KRTAP5-2: variants seen among roughly 807,000 people sequenced by gnomAD.
The protein encoded by KRTAP5-2 is keratin-associated protein 5-2.
For missense variants in KRTAP5-2, 188 were observed against 212.8 expected (o/e 0.88, Z 0.73); for synonymous variants, 79 against 82.7 (o/e 0.96, Z 0.24).
Position 1,597,664 on chromosome 11 carries a change from A to G in KRTAP5-2, c.*53T>C, listed in dbSNP as rs756881125. 2.6e-5 allele frequency: 42 copies of G among 1,609,522 alleles called. No individual in the cohort carries two copies. In the Admixed American group the frequency reaches 6.3e-4, roughly 24 times the overall value. Reference sequence around the variant, plus strand: ...GTGGGACGAACTGACTCAGGGAACCATAAGAAATGCTTTCACCAAACAGGA... The same window carrying G: ...GTGGGACGAACTGACTCAGGGAACCGTAAGAAATGCTTTCACCAAACAGGA... On this transcript the variant is annotated 3_prime_UTR_variant, in exon 1 of 1. Transcript: ENST00000412090.
Position 1,598,034 on chromosome 11 carries a change from A to G in KRTAP5-2, c.217T>C (p.Cys73Arg). ...CAGGAGCCACAGCTGGTGCAGGAAC[A>G]GGCTGGCACCCAGGAGCACACGGGC... is the stretch of plus-strand genomic sequence containing the variant. ...CKPVCSWVPA[C>R]SCTSCGSCGG... Residue 73 changes from cysteine (C) to arginine (R), a missense_variant, in exon 1 of 1, where the codon TGT becomes CGT. Transcript: ENST00000412090. The G allele has an allele frequency of 6.2e-7, 1 of 1,609,110 alleles. No homozygotes were observed. Among genetic ancestry groups the G allele is most frequent in the South Asian group, 1.1e-5 (1 of 90,808 alleles).
Position 1,597,989 on chromosome 11 carries a change from AG to A in KRTAP5-2, c.261del (p.Cys88ValfsTer104). The part of the protein sequence containing the change: ...SCGSCGGSKG[G>X]CGSCGGSKGG... ...CCCTTGGAGCCCCCACAGGAGCCAC[AG>A]CCCCCCTTGGAGCCCCCACAGGAGC... On this transcript the variant is annotated frameshift_variant, in exon 1 of 1. Coordinates refer to ENST00000412090, the MANE Select transcript of KRTAP5-2 (RefSeq NM_001004325.2). LOFTEE classifies it low-confidence loss of function (END_TRUNC). 6.9e-7 allele frequency: 1 copy of A among 1,448,798 alleles called. No individual in the cohort carries two copies. Among genetic ancestry groups the A allele is most frequent in the Non-Finnish European group, 9.4e-7 (1 of 1,062,318 alleles). The allele number at this position is 1,448,798 out of a possible 1,614,324, so 89.7% of individuals were successfully genotyped here.
At position 1,597,659 on chromosome 11, in the gene KRTAP5-2, G is replaced by C; in HGVS notation, c.*58C>G. The C allele has an allele frequency of 6.2e-7, 1 of 1,607,710 alleles. No homozygotes were observed. Among genetic ancestry groups the C allele is most frequent in the Non-Finnish European group, 8.5e-7 (1 of 1,175,566 alleles). ...GATGTGTGGGACGAACTGACTCAGG[G>C]AACCATAAGAAATGCTTTCACCAAA... On this transcript the variant is annotated 3_prime_UTR_variant, in exon 1 of 1. Transcript: ENST00000412090.
Position 1,597,847 on chromosome 11 carries a change from G to T in KRTAP5-2, c.404C>A (p.Ser135Tyr), listed in dbSNP as rs374220501. 3 of 1,613,740 alleles carry T rather than the reference G, an allele frequency of 1.9e-6. No homozygotes were observed. In the Admixed American group the frequency reaches 5.0e-5, roughly 27 times the overall value. The change falls in exon 1 of 1, where the codon TCC becomes TAC. Residue 135 changes from serine (S) to tyrosine (Y), a missense_variant. Coordinates refer to ENST00000412090, the MANE Select transcript of KRTAP5-2 (RefSeq NM_001004325.2). ...SSGCGSSCCQ[S>Y]SCCKPCCCQS... ...GCAGCAGCAGGGCTTGCAGCAGCTG[G>T]ACTGGCAGCAGGATGATCCACAGCC...
Position 1,597,723 on chromosome 11 carries a change from C to A in KRTAP5-2, c.528G>T (p.Lys176Asn). The A allele has an allele frequency of 6.2e-7, 1 of 1,614,210 alleles. No individual in the cohort carries two copies. Among genetic ancestry groups the A allele is most frequent in the African/African-American group, 1.3e-5 (1 of 75,048 alleles). Residue 176 changes from lysine to asparagine, a missense_variant, in exon 1 of 1, where the codon AAG (lysine) becomes AAT (asparagine). Coordinates refer to ENST00000412090, the MANE Select transcript of KRTAP5-2 (RefSeq NM_001004325.2). ...NCCVPVCCQC[K>N]I Reference sequence around the variant, plus strand: ...AAGGTCTGGGTCCAGAGCCTCAGATCTTACACTGGCAGCACACAGGGACAC... The same window carrying A: ...AAGGTCTGGGTCCAGAGCCTCAGATATTACACTGGCAGCACACAGGGACAC...
At position 1,597,435 on chromosome 11, in the gene KRTAP5-2, A is replaced by G. The variant is rs1849300277; in HGVS notation, c.*282T>C. The G allele has an allele frequency of 1.8e-6, 1 of 541,136 alleles. No individual in the cohort carries two copies. The highest frequency in any genetic ancestry group is 2.2e-5 in the South Asian group (1 of 45,644). The allele number at this position is 541,136 out of a possible 1,614,324, so 33.5% of individuals were successfully genotyped here. On this transcript the variant is annotated 3_prime_UTR_variant, in exon 1 of 1. Transcript: ENST00000412090. ...CTCAGTCAGCCCAGGGAGAAGAAGA[A>G]GATGGTCCACACCCAAGTGCAGGGA...
chr11:1,597,667 A>C lies in KRTAP5-2; in HGVS notation c.*50T>G, dbSNP rs780527293. ...GGACGAACTGACTCAGGGAACCATAAGAAATGCTTTCACCAAACAGGAGAA... is the reference window on the plus strand; with the variant it reads ...GGACGAACTGACTCAGGGAACCATACGAAATGCTTTCACCAAACAGGAGAA... On this transcript the variant is annotated 3_prime_UTR_variant, in exon 1 of 1. Coordinates refer to ENST00000412090, the MANE Select transcript of KRTAP5-2 (RefSeq NM_001004325.2). The C allele has an allele frequency of 1.2e-6, 2 of 1,610,132 alleles. No homozygotes were observed. The highest frequency in any genetic ancestry group is 2.2e-5 in the South Asian group (2 of 90,932).
chr11:1,597,594 A>C lies in KRTAP5-2; in HGVS notation c.*123T>G. ...CTGAGCCATGGAAGGAGGTGTGTGC[A>C]TGGATGGTGAGCTAGAGCAGGTGCA... On this transcript the variant is annotated 3_prime_UTR_variant, in exon 1 of 1. Coordinates refer to ENST00000412090, the MANE Select transcript of KRTAP5-2 (RefSeq NM_001004325.2). 6.8e-7 allele frequency: 1 copy of C among 1,466,858 alleles called. No homozygotes were observed. The highest frequency in any genetic ancestry group is 9.4e-7 in the Non-Finnish European group (1 of 1,065,166). The allele number at this position is 1,466,858 out of a possible 1,614,324, so 90.9% of individuals were successfully genotyped here. A position where few individuals can be genotyped will look rare whatever the true frequency, so the allele number is the denominator to read the frequency against.
In KRTAP5-2 at chr11:1,597,495, GCGAGGA is replaced by G. The variant is rs1849301159; in HGVS notation, c.*216_*221del. On this transcript the variant is annotated 3_prime_UTR_variant, in exon 1 of 1. Transcript: ENST00000412090. ...CAGTCGGCTGGGTGCCTGCGTCCAGGCGAGGACACCTCCCGCATCAGGGAAACACAC... is the reference window on the plus strand; with the variant it reads ...CAGTCGGCTGGGTGCCTGCGTCCAGGCACCTCCCGCATCAGGGAAACACAC... 1 of 743,560 alleles carries G rather than the reference GCGAGGA, an allele frequency of 1.3e-6. No homozygotes were observed. The allele number at this position is 743,560 out of a possible 1,614,324, so 46.1% of individuals were successfully genotyped here. A position where few individuals can be genotyped will look rare whatever the true frequency, so the allele number is the denominator to read the frequency against.
In KRTAP5-2 at chr11:1,598,062, G is replaced by T. The variant is rs764593718; in HGVS notation, c.189C>A (p.Cys63Ter). The change falls in exon 1 of 1, where the codon TGC (cysteine) becomes TGA (stop). Residue 63 changes from cysteine to a stop codon, truncating the protein, a stop_gained. Coordinates refer to ENST00000412090, the MANE Select transcript of KRTAP5-2 (RefSeq NM_001004325.2). LOFTEE classifies it low-confidence loss of function (END_TRUNC). ...GSRCYVPVCCCKPVCSWVPAC... is the reference protein window; with the variant it reads ...GSRCYVPVCC ...CTGGCACCCAGGAGCACACGGGCTT[G>T]CAGCAGCAGACAGGCACATAACATC... 6.2e-7 allele frequency: 1 copy of T among 1,612,576 alleles called. No homozygotes were observed. The highest frequency in any genetic ancestry group is 8.5e-7 in the Non-Finnish European group (1 of 1,179,924).
rs2065838254 is a variant in KRTAP5-2, at chr11:1,597,502, C to T, written c.*215G>A. On this transcript the variant is annotated 3_prime_UTR_variant, in exon 1 of 1. Coordinates refer to ENST00000412090, the MANE Select transcript of KRTAP5-2 (RefSeq NM_001004325.2). ...CTGGGTGCCTGCGTCCAGGCGAGGA[C>T]ACCTCCCGCATCAGGGAAACACACG... is the stretch of plus-strand genomic sequence containing the variant. 3.8e-6 allele frequency: 3 copies of T among 781,716 alleles called. No individual in the cohort carries two copies. Among genetic ancestry groups the T allele is most frequent in the Non-Finnish European group, 6.1e-6 (3 of 489,498 alleles). The allele number at this position is 781,716 out of a possible 1,614,324, so 48.4% of individuals were successfully genotyped here.
chr11:1,597,544 G>C lies in KRTAP5-2; in HGVS notation c.*173C>G, dbSNP rs571206252. ...AAACACACGTTTCTGGAGTGAGGAGGCTGAAGGCAGGGCCCAGAGGAGAGC... is the reference window on the plus strand; with the variant it reads ...AAACACACGTTTCTGGAGTGAGGAGCCTGAAGGCAGGGCCCAGAGGAGAGC... On this transcript the variant is annotated 3_prime_UTR_variant, in exon 1 of 1. Coordinates refer to ENST00000412090, the MANE Select transcript of KRTAP5-2 (RefSeq NM_001004325.2). 2 of 1,079,136 alleles carry C rather than the reference G, an allele frequency of 1.9e-6. No homozygotes were observed. Among genetic ancestry groups the C allele is most frequent in the African/African-American group, 1.6e-5 (1 of 62,950 alleles). 66.8% of individuals were successfully genotyped at this position (1,079,136 alleles called of 1,614,324 possible).
chr11:1,597,788 A>G lies in KRTAP5-2; in HGVS notation c.463T>C (p.Ser155Pro). The G allele has an allele frequency of 1.2e-6, 2 of 1,613,874 alleles. No individual in the cohort carries two copies. The highest frequency in any genetic ancestry group is 1.7e-5 in the Admixed American group (1 of 59,994). ...CAGCAACAGGGCTTGCAGCAGCTGG[A>G]CTGGCAGCACACGGGGACACAGCAG... ...SSCCVPVCCQSSCCKPCCCQS... is the reference protein window; with the variant it reads ...SSCCVPVCCQPSCCKPCCCQS... Residue 155 changes from serine (S) to proline (P), a missense_variant, in exon 1 of 1, where the codon TCC becomes CCC. Physicochemically the swap from Ser to Pro is moderately conservative, Grantham distance 74. Coordinates refer to ENST00000412090, the MANE Select transcript of KRTAP5-2 (RefSeq NM_001004325.2).
chr11:1,598,102 C>T lies in KRTAP5-2; in HGVS notation c.149G>A (p.Gly50Glu), dbSNP rs1849316586. Residue 50 changes from glycine to glutamate, a missense_variant, in exon 1 of 1, where the codon GGG becomes GAG. Physicochemically the swap from Gly to Glu is moderately conservative, Grantham distance 98. Transcript: ENST00000412090. Reference sequence around the variant, plus strand: ...CACATAACATCTGGAGCCACATCCCCCACAGCTGGAGCTGCAGCCCCCACA... The same window carrying T: ...CACATAACATCTGGAGCCACATCCCTCACAGCTGGAGCTGCAGCCCCCACA... Reference protein sequence around the residue: ...SGCGGCSSSCGGCGSRCYVPV... With the variant: ...SGCGGCSSSCEGCGSRCYVPV... The T allele has an allele frequency of 6.2e-7, 1 of 1,612,160 alleles. No homozygotes were observed. The highest frequency in any genetic ancestry group is 1.3e-5 in the African/African-American group (1 of 74,798).
chr11:1,597,620 G>C lies in KRTAP5-2; in HGVS notation c.*97C>G. The C allele has an allele frequency of 1.9e-6, 3 of 1,566,482 alleles. No individual in the cohort carries two copies. The highest frequency in any genetic ancestry group is 1.7e-6 in the Non-Finnish European group (2 of 1,149,368). The stretch of plus-strand genomic sequence containing the variant: ...TGGATGGTGAGCTAGAGCAGGTGCA[G>C]GTGCCTCAGGGAGGATGTGTGGGAC... On this transcript the variant is annotated 3_prime_UTR_variant, in exon 1 of 1. Transcript: ENST00000412090.
chr11:1,597,831 G>T lies in KRTAP5-2; in HGVS notation c.420C>A (p.Pro140=). The change falls in exon 1 of 1, where the codon CCC becomes CCA. Residue 140 remains proline, a synonymous_variant. Coordinates refer to ENST00000412090, the MANE Select transcript of KRTAP5-2 (RefSeq NM_001004325.2). ...SSCCQSSCCK[P]CCCQSSCCVP... Reference sequence around the variant, plus strand: ...CACAGCAGCTGGACTGGCAGCAGCAGGGCTTGCAGCAGCTGGACTGGCAGC... The same window carrying T: ...CACAGCAGCTGGACTGGCAGCAGCATGGCTTGCAGCAGCTGGACTGGCAGC... The T allele has an allele frequency of 6.2e-7, 1 of 1,613,776 alleles. No individual in the cohort carries two copies. Among genetic ancestry groups the T allele is most frequent in the Non-Finnish European group, 8.5e-7 (1 of 1,179,930 alleles).
In KRTAP5-2 at chr11:1,598,094, C is replaced by T. The variant is rs768072428; in HGVS notation, c.157G>A (p.Gly53Ser). 6.2e-6 allele frequency: 10 copies of T among 1,611,804 alleles called. No individual in the cohort carries two copies. Among genetic ancestry groups the T allele is most frequent in the Non-Finnish European group, 8.5e-6 (10 of 1,179,898 alleles). ...GGCSSSCGGC[G>S]SRCYVPVCCC... ...CAGACAGGCACATAACATCTGGAGC[C>T]ACATCCCCCACAGCTGGAGCTGCAG... The change falls in exon 1 of 1, where the codon GGC (glycine) becomes AGC (serine). Residue 53 changes from glycine to serine, a missense_variant. Physicochemically the swap from Gly to Ser is moderately conservative, Grantham distance 56 (BLOSUM62 0). Coordinates refer to ENST00000412090, the MANE Select transcript of KRTAP5-2 (RefSeq NM_001004325.2).
At position 1,597,398 on chromosome 11, in the gene KRTAP5-2, C is replaced by T; in HGVS notation, c.*319G>A. 1 of 437,558 alleles carries T rather than the reference C, an allele frequency of 2.3e-6. No individual in the cohort carries two copies. Among genetic ancestry groups the T allele is most frequent in the Non-Finnish European group, 4.3e-6 (1 of 230,570 alleles). The allele number at this position is 437,558 out of a possible 1,614,324, so 27.1% of individuals were successfully genotyped here. A position where few individuals can be genotyped will look rare whatever the true frequency, so the allele number is the denominator to read the frequency against. ...AAACGTCGGCCTGGCCTTGTGGGGT[C>T]AGACCTTGCATCTCAGTCAGCCCAG... On this transcript the variant is annotated 3_prime_UTR_variant, in exon 1 of 1. Transcript: ENST00000412090.
In KRTAP5-2 at chr11:1,597,544, G is replaced by T; in HGVS notation, c.*173C>A. 2.8e-6 allele frequency: 3 copies of T among 1,079,134 alleles called. No individual in the cohort carries two copies. Among genetic ancestry groups the T allele is most frequent in the Non-Finnish European group, 4.0e-6 (3 of 747,818 alleles). 66.8% of individuals were successfully genotyped at this position (1,079,134 alleles called of 1,614,324 possible). ...AAACACACGTTTCTGGAGTGAGGAG[G>T]CTGAAGGCAGGGCCCAGAGGAGAGC... On this transcript the variant is annotated 3_prime_UTR_variant, in exon 1 of 1. Coordinates refer to ENST00000412090, the MANE Select transcript of KRTAP5-2 (RefSeq NM_001004325.2).
Sources: allele counts gnomAD v4.1 joint callset, GRCh38; gene constraint gnomAD v4.1.1; transcripts MANE v1.5; gene names NCBI Gene and HGNC (gene_info 2026-07-23, HGNC 2026-07-21).